The following OLFM3 variants were observed in gnomAD, a reference collection of about 807,000 sequenced individuals.
OLFM3 encodes the protein olfactomedin 3, also known as noelin-3.
In OLFM3, 20 loss-of-function variants were observed where a neutral mutation model predicts 48.6. That is an observed-to-expected ratio of 0.41 (90% CI 0.29 to 0.60). OLFM3 has a LOEUF of 0.60. OLFM3 is among the 20% of genes least tolerant of loss of function. The pLI is 0.28. For synonymous variants in OLFM3, 222 were observed against 198.1 expected (o/e 1.12, Z -1.01); for missense variants, 437 against 544.3 (o/e 0.80, Z 1.96).
intron 1 of OLFM3, among the ~76,000 whole-genome samples, chr1:101,923,230 C>T (rs1659157243): frequency 6.6e-6 from 1 of 152,146 alleles, no homozygotes; most frequent in Admixed American, 6.6e-5. Flanking sequence ...AAAATTTACA[C>T]AAGGATATAT....
chr1:101,881,094 A>T (rs1657509849), intron 1 of OLFM3, among the ~76,000 whole-genome samples: 1 of 151,846 alleles, frequency 6.6e-6, no homozygotes, highest in South Asian at 2.1e-4. Context: ...AAATATAATC[A>T]ACTTTTGTTT....
intron 1 of OLFM3, among the ~76,000 whole-genome samples, chr1:101,843,930 G>A (rs1034258809): frequency 3.9e-5 from 6 of 152,024 alleles, no homozygotes; most frequent in African/African-American, 1.4e-4. Flanking sequence ...GTGTGCGTGT[G>A]CGTGTGGTAT....
intron 1 of OLFM3, among the ~76,000 whole-genome samples, chr1:101,961,493 T>A (rs1660467455): frequency 6.6e-6 from 1 of 152,004 alleles, no homozygotes; most frequent in Non-Finnish European, 1.5e-5. Context: ...TTAAAAATAT[T>A]TAAGTCTAGT....
intron 1 of OLFM3, among the ~76,000 whole-genome samples, chr1:101,927,762 T>C (rs1659316710): frequency 1.3e-5 from 2 of 148,986 alleles, no homozygotes; most frequent in South Asian, 4.2e-4. Flanking sequence ...AGTTTTAATA[T>C]AATATTCTAA....
chr1:101,891,363 T>C (rs553768512), intron 1 of OLFM3, among the ~76,000 whole-genome samples: 11 of 152,042 alleles, frequency 7.2e-5, no homozygotes, highest in Admixed American at 5.9e-4. Flanking sequence ...GCGTACTTTG[T>C]CAAGTATTCC....
At chr1:101,965,356 A>G (rs1031398557) in intron 1 of OLFM3, among the ~76,000 whole-genome samples, 3 of 152,258 alleles carry the variant, frequency 2.0e-5, no homozygotes, top group Admixed American at 6.5e-5. Context: ...AAGGAAGGAA[A>G]AAAATGTGAT....
intron 1 of OLFM3, among the ~76,000 whole-genome samples, chr1:101,864,920 C>T (rs930115784): frequency 2.0e-5 from 3 of 152,132 alleles, no homozygotes; most frequent in Admixed American, 6.5e-5. Flanking sequence ...AAACAGAGGC[C>T]CATAAAAACA....
chr1:101,948,597 T>C (rs1660029074), intron 1 of OLFM3, among the ~76,000 whole-genome samples: 1 of 152,110 alleles, frequency 6.6e-6, no homozygotes, highest in African/African-American at 2.4e-5. Flanking sequence ...AAACATTCAA[T>C]GTTCACATTT....
chr1:101,816,487 TGA>T (rs1417237898), intron 4 of OLFM3, among the ~76,000 whole-genome samples: 1 of 152,204 alleles, frequency 6.6e-6, no homozygotes, highest in African/African-American at 2.4e-5. Flanking sequence ...TTTTTGTGTG[TGA>T]GTGTCTGTCT....
At chr1:101,862,917 CT>C (rs1656711124) in intron 1 of OLFM3, among the ~76,000 whole-genome samples, 1 of 151,900 alleles carries the variant, frequency 6.6e-6, no homozygotes, top group Non-Finnish European at 1.5e-5. Flanking sequence ...TTGTAATGCC[CT>C]TTGAAAATCT....
At chr1:101,875,546 TA>T (rs1420156172) in intron 1 of OLFM3, among the ~76,000 whole-genome samples, 3 of 151,936 alleles carry the variant, frequency 2.0e-5, no homozygotes, top group Non-Finnish European at 4.4e-5. Flanking sequence ...CTCTAAAAAA[TA>T]AAGTCTGTTA....
At chr1:101,830,003 T>A (rs1197278282) in intron 3 of OLFM3, among the ~76,000 whole-genome samples, 4 of 150,538 alleles carry the variant, frequency 2.7e-5, no homozygotes, top group Non-Finnish European at 5.9e-5. Context: ...CCCGGCTAAT[T>A]TTTTTTTTGT....
At chr1:101,860,846 C>G (rs1439643979) in intron 1 of OLFM3, among the ~76,000 whole-genome samples, 2 of 151,928 alleles carry the variant, frequency 1.3e-5, no homozygotes, top group South Asian at 2.1e-4. Flanking sequence ...AAAACACATA[C>G]TTTTGATAAC....
At chr1:101,884,782 A>G (rs896330453) in intron 1 of OLFM3, among the ~76,000 whole-genome samples, 1 of 152,028 alleles carries the variant, frequency 6.6e-6, no homozygotes, top group Non-Finnish European at 1.5e-5. Context: ...GTACATTGTT[A>G]GTAAGGGCTT....
intron 1 of OLFM3, among the ~76,000 whole-genome samples, chr1:101,852,216 T>C (rs1364158966): frequency 2.0e-5 from 3 of 152,092 alleles, no homozygotes; most frequent in Non-Finnish European, 4.4e-5. Flanking sequence ...CTTTACAGCA[T>C]ACCCTCTGAA....
intron 1 of OLFM3, among the ~76,000 whole-genome samples, chr1:101,858,978 A>G (rs968941494): frequency 6.6e-6 from 1 of 152,118 alleles, no homozygotes; most frequent in Non-Finnish European, 1.5e-5. Flanking sequence ...CATGGCTTCA[A>G]TAAATTTCCC....
rs199628790 is a variant in OLFM3, at chr1:101,830,905, C to T, written c.217-78G>A. The T allele has an allele frequency of 4.5e-4, 612 of 1,345,788 alleles. 5 individuals carry two copies. In the East Asian group the frequency reaches 0.012, roughly 26 times the overall value. The allele number at this position is 1,345,788 out of a possible 1,614,324, so 83.4% of individuals were successfully genotyped here. A position where few individuals can be genotyped will look rare whatever the true frequency, so the allele number is the denominator to read the frequency against. ...AATCACTAAGAAATAGCAAAAATGC[C>T]GTTAACATAAAAACTAGAAGTGCCA... On this transcript the variant is annotated intron_variant, in intron 2 of 5. Coordinates refer to ENST00000370103, the MANE Select transcript of OLFM3 (RefSeq NM_058170.4).
chr1:101,838,777 G>A (rs1655565011), intron 1 of OLFM3, among the ~76,000 whole-genome samples: 1 of 152,166 alleles, frequency 6.6e-6, no homozygotes, highest in African/African-American at 2.4e-5. Context: ...ACCGCGCTGG[G>A]CCAGGAGCAA....
chr1:101,809,320 T>G (rs2100865724), intron 4 of OLFM3, among the ~76,000 whole-genome samples: 1 of 151,980 alleles, frequency 6.6e-6, no homozygotes, highest in South Asian at 2.1e-4. Flanking sequence ...AAATGGAAAC[T>G]TTTTAGAGAA....
Sources: allele counts gnomAD v4.1 joint callset (sites outside exome capture counted in the v4.1 genomes callset), GRCh38; gene constraint gnomAD v4.1.1; transcripts MANE v1.5; gene names NCBI Gene and HGNC (gene_info 2026-07-23, HGNC 2026-07-21).